Variants in NSF observed in about 807,000 individuals in gnomAD.
The protein encoded by NSF is vesicle-fusing ATPase.
Under a neutral mutation model 50.3 loss-of-function variants are expected in NSF, and 14 were observed. That is an observed-to-expected ratio of 0.28 (90% CI 0.18 to 0.44). The LOEUF (loss-of-function observed/expected upper bound fraction) is 0.44. NSF is among the 20% of genes least tolerant of loss of function. The pLI is 1.00. For synonymous variants in NSF, 109 were observed against 175.7 expected (o/e 0.62, Z 3.00); for missense variants, 218 against 504.3 (o/e 0.43, Z 5.44).
chr17:46,709,488 C>T (rs144107336), intron 13 of NSF, among the ~76,000 whole-genome samples: 5 of 151,634 alleles, frequency 3.3e-5, no homozygotes, highest in Admixed American at 3.3e-4. Flanking sequence ...AAAAGCCAGC[C>T]TATAATTTTT....
intron 16 of NSF, among the ~76,000 whole-genome samples, chr17:46,727,486 G>C (rs1376773759): frequency 6.6e-6 from 1 of 152,164 alleles, no homozygotes; most frequent in Non-Finnish European, 1.5e-5. Flanking sequence ...CCATAATGGT[G>C]TAGTCGTGAT....
chr17:46,735,056 C>T (rs1028744293), intron 17 of NSF, among the ~76,000 whole-genome samples: 1 of 152,110 alleles, frequency 6.6e-6, no homozygotes, highest in Non-Finnish European at 1.5e-5. Context: ...TCTCTAAAAA[C>T]AAAACCAACA....
chr17:46,605,547 CAG>C (rs1238523958), intron 1 of NSF, among the ~76,000 whole-genome samples: 1 of 122,962 alleles, frequency 8.1e-6, no homozygotes, highest in African/African-American at 3.1e-5. Context: ...AGCCATAAGA[CAG>C]GGAGTAATAT....
intron 14 of NSF, among the ~76,000 whole-genome samples, chr17:46,712,298 A>G (rs1188424236): frequency 8.5e-5 from 13 of 152,194 alleles, no homozygotes; most frequent in Admixed American, 8.5e-4. Flanking sequence ...CAGTCACTCT[A>G]CTAGCACTGT....
chr17:46,721,539 CTG>C (rs886241523), intron 15 of NSF: 35 of 1,188,552 alleles, frequency 2.9e-5, no homozygotes, highest in Non-Finnish European at 4.1e-5. Flanking sequence ...CATTCTTTTT[CTG>C]TGTGTGTGTG....
intron 17 of NSF, among the ~76,000 whole-genome samples, chr17:46,732,089 A>G (rs1231226394): frequency 6.6e-6 from 1 of 152,234 alleles, no homozygotes; most frequent in Non-Finnish European, 1.5e-5. Context: ...AATATTGTAG[A>G]AATGCATAGA....
intron 17 of NSF, among the ~76,000 whole-genome samples, chr17:46,731,988 C>T (rs1185342578): frequency 2.0e-5 from 3 of 152,122 alleles, no homozygotes; most frequent in Non-Finnish European, 4.4e-5. Flanking sequence ...GAATATTAGT[C>T]ATTGTAAAAT....
intron 1 of NSF, among the ~76,000 whole-genome samples, chr17:46,609,146 G>T (rs868691211): frequency 3.4e-5 from 5 of 147,592 alleles, no homozygotes; most frequent in African/African-American, 1.3e-4. Flanking sequence ...CTAGGAGCGG[G>T]CAGTATGGGA....
chr17:46,626,065 T>C (rs1324944115), intron 2 of NSF, among the ~76,000 whole-genome samples: 1 of 145,858 alleles, frequency 6.9e-6, no homozygotes, highest in Non-Finnish European at 1.5e-5. Context: ...ACAGTAAATA[T>C]TGATATCTAC....
chr17:46,708,782 C>T (rs1437117017), intron 13 of NSF, among the ~76,000 whole-genome samples: 2 of 143,872 alleles, frequency 1.4e-5, no homozygotes, highest in Admixed American at 1.4e-4. Flanking sequence ...GCATGAGCCA[C>T]TGCACTTGGC....
intron 9 of NSF, among the ~76,000 whole-genome samples, chr17:46,676,510 G>C (rs2058410682): frequency 6.8e-6 from 1 of 146,926 alleles, no homozygotes; most frequent in Non-Finnish European, 1.5e-5. Context: ...GAGATTATAG[G>C]CGTGACCCAC....
intron 4 of NSF, among the ~76,000 whole-genome samples, chr17:46,635,821 TC>T (rs2058182975): frequency 6.6e-5 from 2 of 30,232 alleles, no homozygotes; most frequent in South Asian, 1.2e-3. Flanking sequence ...GTGTGTGTGC[TC>T]GTGTGTGAAG....
intron 7 of NSF, among the ~76,000 whole-genome samples, chr17:46,642,510 C>G (rs2146171272): frequency 7.5e-6 from 1 of 134,160 alleles, no homozygotes; most frequent in South Asian, 2.3e-4. Flanking sequence ...TTTTTGTCCT[C>G]TTGAGAATTT....
At chr17:46,660,085 CAT>C (rs1400929818) in intron 8 of NSF, among the ~76,000 whole-genome samples, 2 of 40,898 alleles carry the variant, frequency 4.9e-5, no homozygotes, top group Non-Finnish European at 8.5e-5. Flanking sequence ...GTGAAGACTA[CAT>C]GTTTCAAACG....
chr17:46,711,432 T>G (rs927723900), intron 14 of NSF, among the ~76,000 whole-genome samples: 2 of 152,184 alleles, frequency 1.3e-5, no homozygotes, highest in African/African-American at 4.8e-5. Context: ...GTACTTGTAT[T>G]TTAGTCATTG....
At chr17:46,595,525 C>G (rs2057862221) in intron 1 of NSF, among the ~76,000 whole-genome samples, 1 of 125,652 alleles carries the variant, frequency 8.0e-6, no homozygotes, top group African/African-American at 4.1e-5. Flanking sequence ...GAGTCTTGCT[C>G]CGTCACCCAG....
rs942815702 is a variant in NSF at position 46,606,839 on chromosome 17, AAAGC to A, written c.12+16059_12+16062del. 5.1e-3 allele frequency among the ~76,000 whole-genome samples: 28 copies of A among 5,478 alleles called. 14 individuals are homozygous for A. Among genetic ancestry groups the A allele is most frequent in the South Asian group, 0.25 (2 of 8 alleles). 3.6% of individuals were successfully genotyped at this position (5,478 alleles called of 152,430 possible). Reference sequence around the variant, plus strand: ...AAATAAATAAATAAATAAATAAATAAAAGCAAGCAAACAAACTTACTGAAACAAC... The same window carrying A: ...AAATAAATAAATAAATAAATAAATAAAAGCAAACAAACTTACTGAAACAAC... On this transcript the variant is annotated intron_variant, in intron 1 of 20. Transcript: ENST00000398238.
intron 8 of NSF, among the ~76,000 whole-genome samples, chr17:46,667,487 TACC>T (rs2146196922): frequency 7.0e-6 from 1 of 143,204 alleles, no homozygotes; most frequent in Non-Finnish European, 1.6e-5. Context: ...AAGAAATCTT[TACC>T]TTGCAAAACT....
At chr17:46,707,049 C>G (rs2058663789) in intron 13 of NSF, among the ~76,000 whole-genome samples, 2 of 151,388 alleles carry the variant, frequency 1.3e-5, no homozygotes, top group Non-Finnish European at 2.9e-5. Flanking sequence ...CGGGGTTTCA[C>G]CATGTTGGCT....
Sources: gnomAD v4.1 joint callset for allele counts (sites outside exome capture counted in the v4.1 genomes callset) on GRCh38, gnomAD v4.1.1 for gene constraint, MANE v1.5 for transcripts, NCBI Gene and HGNC (gene_info 2026-07-23, HGNC 2026-07-21) for gene names.